LSAMP: variants seen among roughly 807,000 people sequenced by gnomAD.
LSAMP encodes the protein limbic system-associated membrane protein.
A neutral mutation model predicts 38.6 loss-of-function variants in LSAMP; 7 were observed. The ratio of observed to expected loss-of-function variants is 0.18; its 90% CI spans 0.10 to 0.34. The LOEUF is 0.34. Ranked by LOEUF, LSAMP falls within the 10% of genes least tolerant of loss-of-function variation. The pLI is 1.00. For synonymous variants in LSAMP, 154 were observed against 166.8 expected (o/e 0.92, Z 0.59); for missense variants, 313 against 420.0 (o/e 0.75, Z 2.23).
chr3:116,445,037 C>T lies in LSAMP; in HGVS notation c.-6G>A. 6.2e-7 allele frequency: 1 copy of T among 1,608,576 alleles called. No homozygotes were observed. Among genetic ancestry groups the T allele is most frequent in the South Asian group, 1.1e-5 (1 of 90,636 alleles). On this transcript the variant is annotated 5_prime_UTR_variant, in exon 1 of 7. Transcript: ENST00000490035. Reference sequence around the variant, plus strand: ...GGCTGAACTCTCCTGACCATGGTGGCCACGCCGAGGTGCGGGTCCGCGGGG... The same window carrying T: ...GGCTGAACTCTCCTGACCATGGTGGTCACGCCGAGGTGCGGGTCCGCGGGG...
Position 116,398,963 on chromosome 3 carries a change from G to A in LSAMP, c.155+45914C>T, listed in dbSNP as rs541249093. Among the ~76,000 whole-genome samples, 27 of 152,298 alleles carry A rather than the reference G, an allele frequency of 1.8e-4. No homozygotes were observed. In the South Asian group the frequency reaches 5.2e-3, roughly 29 times the overall value. On this transcript the variant is annotated intron_variant, in intron 1 of 6. Coordinates refer to ENST00000490035, the MANE Select transcript of LSAMP (RefSeq NM_002338.5). ...CAGAGGGAAAGAAAAGTGAGATAAA[G>A]ACTGAGGAAAAGTTGGAGTTAGGCA...
chr3:115,945,897 T>C (rs1938082137), intron 3 of LSAMP, among the ~76,000 whole-genome samples: 1 of 152,182 alleles, frequency 6.6e-6, no homozygotes, highest in Admixed American at 6.6e-5. Flanking sequence ...TTAAATCCTT[T>C]GTTAAGGCAA....
intron 3 of LSAMP, among the ~76,000 whole-genome samples, chr3:115,870,215 T>C (rs73140501): frequency 0.073 from 11,075 of 152,142 alleles, 562 homozygotes; most frequent in Non-Finnish European, 0.11. Context: ...CTTAACATAT[T>C]TACTACCTTG....
chr3:116,154,983 C>A (rs1398054169), intron 1 of LSAMP, among the ~76,000 whole-genome samples: 5 of 151,630 alleles, frequency 3.3e-5, no homozygotes, highest in African/African-American at 1.2e-4. Context: ...TGCTTCAGAT[C>A]TCAGCTCCAC....
chr3:115,977,138 C>T (rs1939212608), intron 3 of LSAMP, among the ~76,000 whole-genome samples: 1 of 151,866 alleles, frequency 6.6e-6, no homozygotes, highest in Non-Finnish European at 1.5e-5. Flanking sequence ...TTAGAATGAC[C>T]CAAGATGCCT....
intron 1 of LSAMP, among the ~76,000 whole-genome samples, chr3:116,245,335 C>G (rs891812832): frequency 6.6e-6 from 1 of 152,110 alleles, no homozygotes; most frequent in African/African-American, 2.4e-5. Context: ...TTCAGTCACC[C>G]CACTATGATA....
intron 3 of LSAMP, among the ~76,000 whole-genome samples, chr3:116,011,293 T>C (rs1940317434): frequency 6.6e-6 from 1 of 152,220 alleles, no homozygotes; most frequent in Admixed American, 6.5e-5. Context: ...TTTTACGATG[T>C]TCCTTCCTGG....
chr3:115,882,627 T>C (rs1052099212), intron 3 of LSAMP, among the ~76,000 whole-genome samples: 11 of 152,122 alleles, frequency 7.2e-5, no homozygotes, highest in Admixed American at 3.3e-4. Flanking sequence ...TGTTAATTTT[T>C]CCATAAACTG....
rs1264489926 is a variant in LSAMP, at chr3:115,818,799, T to TATATATATATATAA, written c.920-8386_920-8385insTTATATATATATAT. ...AAGGAAAGTTGTACTTTTATATATATATATATATATATATATATATATAAC... is the reference window on the plus strand; with the variant it reads ...AAGGAAAGTTGTACTTTTATATATATATATATATATATAAATATATATATATATATATATATAAC... On this transcript the variant is annotated intron_variant, in intron 6 of 6. Coordinates refer to ENST00000490035, the MANE Select transcript of LSAMP (RefSeq NM_002338.5). 3.7e-5 allele frequency among the ~76,000 whole-genome samples: 4 copies of TATATATATATATAA among 108,338 alleles called. 1 individual carries two copies. The highest frequency in any genetic ancestry group is 8.0e-5 in the Non-Finnish European group (4 of 50,026). The allele number at this position is 108,338 out of a possible 152,430, so 71.1% of individuals were successfully genotyped here. A position where few individuals can be genotyped will look rare whatever the true frequency, so the allele number is the denominator to read the frequency against.
intron 1 of LSAMP, among the ~76,000 whole-genome samples, chr3:116,232,703 T>C (rs866130150): frequency 3.1e-5 from 4 of 127,750 alleles, no homozygotes; most frequent in African/African-American, 8.9e-5. Flanking sequence ...TTCTTTCTTT[T>C]TTTTTTTTTT....
intron 3 of LSAMP, among the ~76,000 whole-genome samples, chr3:115,984,511 G>A (rs1158185595): frequency 6.6e-6 from 1 of 152,102 alleles, no homozygotes. Flanking sequence ...TATGTGGTGA[G>A]AATAAAAAGA....
chr3:116,056,213 G>A (rs982210017), intron 2 of LSAMP, among the ~76,000 whole-genome samples: 1 of 152,122 alleles, frequency 6.6e-6, no homozygotes, highest in Non-Finnish European at 1.5e-5. Context: ...GAATTACCAT[G>A]TCATAACAGT....
At chr3:116,298,500 G>C (rs957061267) in intron 1 of LSAMP, among the ~76,000 whole-genome samples, 1 of 152,024 alleles carries the variant, frequency 6.6e-6, no homozygotes, top group Non-Finnish European at 1.5e-5. Context: ...AGGAGGAGGA[G>C]AAAGCACAGA....
chr3:116,283,088 A>G (rs540015215), intron 1 of LSAMP, among the ~76,000 whole-genome samples: 1 of 152,240 alleles, frequency 6.6e-6, no homozygotes, highest in South Asian at 2.1e-4. Context: ...CAGCTGTAAC[A>G]GTAAGTAAGG....
At chr3:116,320,344 C>T (rs781102514) in intron 1 of LSAMP, among the ~76,000 whole-genome samples, 3 of 152,038 alleles carry the variant, frequency 2.0e-5, no homozygotes, top group Non-Finnish European at 2.9e-5. Flanking sequence ...ATCAAGGAGG[C>T]GTAGGTTGCA....
At chr3:116,066,787 C>G (rs1459442415) in intron 2 of LSAMP, among the ~76,000 whole-genome samples, 1 of 152,178 alleles carries the variant, frequency 6.6e-6, no homozygotes, top group Non-Finnish European at 1.5e-5. Flanking sequence ...TCCTGTTCAC[C>G]AACCACTGTC....
At chr3:116,418,641 C>A (rs931252441) in intron 1 of LSAMP, among the ~76,000 whole-genome samples, 7 of 152,128 alleles carry the variant, frequency 4.6e-5, no homozygotes, top group African/African-American at 1.7e-4. Context: ...ACAATTATAT[C>A]AATGTGCATT....
intron 1 of LSAMP, among the ~76,000 whole-genome samples, chr3:116,255,955 C>CA (rs2046745086): frequency 6.6e-6 from 1 of 151,892 alleles, no homozygotes; most frequent in South Asian, 2.1e-4. Flanking sequence ...AGTCAGACAC[C>CA]AGTGGATTGT....
At chr3:116,087,822 C>G (rs896216960) in intron 1 of LSAMP, among the ~76,000 whole-genome samples, 1 of 151,944 alleles carries the variant, frequency 6.6e-6, no homozygotes, top group African/African-American at 2.4e-5. Flanking sequence ...TTAAATACTC[C>G]ATTTATGGTA....
Sources: allele counts gnomAD v4.1 joint callset (sites outside exome capture counted in the v4.1 genomes callset), GRCh38; gene constraint gnomAD v4.1.1; transcripts MANE v1.5; gene names NCBI Gene and HGNC (gene_info 2026-07-23, HGNC 2026-07-21).